Variants in ZNF155 observed in about 807,000 individuals in gnomAD.
The protein encoded by ZNF155 is KRAB A domain.
A neutral mutation model predicts 11.9 loss-of-function variants in ZNF155; 15 were observed. The observed-to-expected ratio is 1.26, with a 90% CI of 0.84 to 1.94. The LOEUF is 1.94. Among genes scored for constraint, ZNF155 ranks in the 30% most tolerant of loss-of-function variants. The pLI, the probability that ZNF155 is intolerant of heterozygous loss-of-function variation, is 0.00. For missense variants in ZNF155, 602 were observed against 639.1 expected (o/e 0.94, Z 0.63); for synonymous variants, 212 against 219.9 (o/e 0.96, Z 0.32).
At chr19:43,992,007 C>A in intron 4 of ZNF155, 73 bp downstream of exon 4, 2 of 1,356,306 alleles carry the variant, frequency 1.5e-6, no homozygotes, top group Non-Finnish European at 2.1e-6. Flanking sequence ...TGCCCATTTG[C>A]ATTGCTCTGA....
intron 4 of ZNF155, among the ~76,000 whole-genome samples, chr19:43,995,775 A>G (rs1265931182): frequency 6.6e-6 from 1 of 152,216 alleles, no homozygotes; most frequent in Non-Finnish European, 1.5e-5. Flanking sequence ...ATATTTCATT[A>G]TGTACATAAA....
At chr19:43,985,723 G>C (rs1292685190) in intron 1 of ZNF155, among the ~76,000 whole-genome samples, 1 of 151,888 alleles carries the variant, frequency 6.6e-6, no homozygotes, top group Non-Finnish European at 1.5e-5. Flanking sequence ...TGTATTTTTA[G>C]TAAAGATGGG....
intron 4 of ZNF155, among the ~76,000 whole-genome samples, chr19:43,994,776 A>G (rs1362204232): frequency 2.0e-5 from 3 of 152,146 alleles, no homozygotes; most frequent in Non-Finnish European, 4.4e-5. Context: ...TGGGATCCAG[A>G]GTAATTATTG....
At chr19:43,991,421 C>CT (rs1975660084) in intron 2 of ZNF155, 127 bp from the exon 3 acceptor site, 3 of 1,494,956 alleles carry the variant, frequency 2.0e-6, no homozygotes, top group Non-Finnish European at 1.8e-6. Flanking sequence ...TGGGAAATCT[C>CT]TAAGTTGACC....
intron 1 of ZNF155, among the ~76,000 whole-genome samples, chr19:43,988,089 C>A (rs1014142267): frequency 5.9e-5 from 9 of 152,132 alleles, no homozygotes; most frequent in Non-Finnish European, 1.2e-4. Context: ...GAGTTTGAGA[C>A]CAGCTTGGAC....
chr19:43,985,277 T>C (rs951815746), intron 1 of ZNF155, among the ~76,000 whole-genome samples: 45 of 151,990 alleles, frequency 3.0e-4, no homozygotes, highest in Non-Finnish European at 4.6e-4. Context: ...GCCAGGCTGG[T>C]CTCGAACCTG....
rs1453293492 is a variant in ZNF155 at position 43,989,901 on chromosome 19, C to T, written c.15+1343C>T. The T allele has an allele frequency of 1.1e-5, 6 of 535,276 alleles. No individual in the cohort carries two copies. The South Asian group carries it at 1.2e-4, about 10-fold the overall frequency. The allele number at this position is 535,276 out of a possible 1,614,324, so 33.2% of individuals were successfully genotyped here. A position where few individuals can be genotyped will look rare whatever the true frequency, so the allele number is the denominator to read the frequency against. ...AGGAAAAACTCCAAACAGATAGGAACAAAGGACACTAAAAGGCCAATGTAA... is the reference window on the plus strand; with the variant it reads ...AGGAAAAACTCCAAACAGATAGGAATAAAGGACACTAAAAGGCCAATGTAA... On this transcript the variant is annotated intron_variant, in intron 2 of 4. Coordinates refer to ENST00000270014, the MANE Select transcript of ZNF155 (RefSeq NM_198089.3).
At chr19:43,988,787 T>C (rs1223369011) in intron 2 of ZNF155, 2 of 414,084 alleles carry the variant, frequency 4.8e-6, no homozygotes, top group Non-Finnish European at 4.3e-6. Context: ...TTAGTAGAAA[T>C]GAACAGTGCT....
At chr19:43,989,642 C>T (rs907441281) in intron 2 of ZNF155, among the ~76,000 whole-genome samples, 8 of 152,268 alleles carry the variant, frequency 5.3e-5, no homozygotes, top group Admixed American at 4.6e-4. Context: ...TGCTGCTCCT[C>T]CCTGTCCCTA....
chr19:43,987,307 TTG>T (rs1185144303), intron 1 of ZNF155, among the ~76,000 whole-genome samples: 1 of 152,216 alleles, frequency 6.6e-6, no homozygotes, highest in African/African-American at 2.4e-5. Context: ...ATTATATGCA[TTG>T]TGTTTACTCG....
In ZNF155 at chr19:43,997,805, A is replaced by G. The variant is rs1975961179; in HGVS notation, c.*331A>G. 5.1e-6 allele frequency: 1 copy of G among 197,988 alleles called. No homozygotes were observed. The highest frequency in any genetic ancestry group is 1.0e-5 in the Non-Finnish European group (1 of 97,724). 12.3% of individuals were successfully genotyped at this position (197,988 alleles called of 1,614,324 possible). ...GCACAGATAGAAGAACCTCCAGCCC[A>G]TTCAGGTAAAAACTCGCACAAACCT... is the stretch of plus-strand genomic sequence containing the variant. On this transcript the variant is annotated 3_prime_UTR_variant, in exon 5 of 5. Coordinates refer to ENST00000270014, the MANE Select transcript of ZNF155 (RefSeq NM_198089.3).
At chr19:43,993,212 T>C (rs752777488) in intron 4 of ZNF155, among the ~76,000 whole-genome samples, 3 of 152,224 alleles carry the variant, frequency 2.0e-5, no homozygotes, top group Non-Finnish European at 4.4e-5. Flanking sequence ...CATAAATGTG[T>C]CTATTTCTGC....
chr19:43,985,798 C>T (rs1260424036), intron 1 of ZNF155, among the ~76,000 whole-genome samples: 3 of 152,100 alleles, frequency 2.0e-5, no homozygotes, highest in East Asian at 1.9e-4. Flanking sequence ...CCTTGGCCTC[C>T]GAAAATGCTG....
rs1423791476 is a variant in ZNF155 at position 43,997,135 on chromosome 19, G to A, written c.1278G>A (p.Lys426=). The change falls in exon 5 of 5, where the codon AAG becomes AAA. Residue 426 remains lysine, a synonymous_variant. Transcript: ENST00000270014. The part of the protein sequence containing the change: ...SSHQRSHSGE[K]PYKCEECGKG... ...ATCAGAGATCCCACAGTGGTGAAAA[G>A]CCATATAAATGTGAGGAGTGTGGGA... 1.2e-6 allele frequency: 2 copies of A among 1,614,158 alleles called. No homozygotes were observed. The highest frequency in any genetic ancestry group is 1.7e-6 in the Non-Finnish European group (2 of 1,180,022).
rs1401870294 is a variant in ZNF155 at position 43,996,925 on chromosome 19, G to A, written c.1068G>A (p.Arg356=). 1 of 1,613,746 alleles carries A rather than the reference G, an allele frequency of 6.2e-7. No individual in the cohort carries two copies. The highest frequency in any genetic ancestry group is 1.7e-5 in the Admixed American group (1 of 59,982). Reference sequence around the variant, plus strand: ...AGTGTGGAAAAGGCTTTATTGGTAGGCTAGATTTTTATAAGCATCAGGTGG... The same window carrying A: ...AGTGTGGAAAAGGCTTTATTGGTAGACTAGATTTTTATAAGCATCAGGTGG... The part of the protein sequence containing the change: ...CEQCGKGFIG[R]LDFYKHQVVH... Residue 356 remains arginine (R), a synonymous_variant, in exon 5 of 5, where the codon AGG becomes AGA. Transcript: ENST00000270014.
rs1232655656 is a variant in ZNF155 at position 43,991,420 on chromosome 19, T to C, written c.16-128T>C. 6.7e-6 allele frequency: 10 copies of C among 1,492,666 alleles called. No homozygotes were observed. The East Asian group carries it at 1.8e-4, about 27-fold the overall frequency. The allele number at this position is 1,492,666 out of a possible 1,614,324, so 92.5% of individuals were successfully genotyped here. A position where few individuals can be genotyped will look rare whatever the true frequency, so the allele number is the denominator to read the frequency against. On this transcript the variant is annotated intron_variant, in intron 2 of 4. Transcript: ENST00000270014. ...ATATAGACAGAATGAGTGGGAAATC[T>C]CTAAGTTGACCTACATCCCTCAATA...
At chr19:43,990,072 A>G (rs1396314847) in intron 2 of ZNF155, 9 of 1,520,744 alleles carry the variant, frequency 5.9e-6, no homozygotes, top group Non-Finnish European at 5.2e-6. Flanking sequence ...GTCATGATAA[A>G]GAGAAGCAAA....
At chr19:43,985,689 G>A (rs1347401366) in intron 1 of ZNF155, among the ~76,000 whole-genome samples, 1 of 151,790 alleles carries the variant, frequency 6.6e-6, no homozygotes, top group African/African-American at 2.4e-5. Context: ...TTACAGGTGC[G>A]CACCACCACG....
At chr19:43,985,788 C>T (rs1215347566) in intron 1 of ZNF155, among the ~76,000 whole-genome samples, 2 of 152,128 alleles carry the variant, frequency 1.3e-5, no homozygotes, top group Non-Finnish European at 2.9e-5. Context: ...GATCCGACCG[C>T]CTTGGCCTCC....
Sources: allele counts gnomAD v4.1 joint callset (sites outside exome capture counted in the v4.1 genomes callset), GRCh38; gene constraint gnomAD v4.1.1; transcripts MANE v1.5; gene names NCBI Gene and HGNC (gene_info 2026-07-23, HGNC 2026-07-21).